NFKBIE: variants seen among roughly 807,000 people sequenced by gnomAD.
NFKBIE encodes the protein NF-kappa-B inhibitor epsilon.
In NFKBIE, 11 loss-of-function variants were observed where a neutral mutation model predicts 31.6. That is an observed-to-expected ratio of 0.35 (90% confidence interval 0.22 to 0.58). The LOEUF is 0.58. Ranked by LOEUF, NFKBIE falls within the 20% of genes least tolerant of loss-of-function variation. The pLI is 0.83. For missense variants in NFKBIE, 354 were observed against 465.7 expected, an observed-to-expected ratio of 0.76 and a Z score of 2.21; for synonymous variants, 208 against 210.1, an observed-to-expected ratio of 0.99 and a Z score of 0.09.
At chr6:44,264,699 G>C (rs1040409665) in intron 1 of NFKBIE, among the ~76,000 whole-genome samples, 1 of 152,164 alleles carries the variant, frequency 6.6e-6, no homozygotes, top group African/African-American at 2.4e-5. Context: ...AACTGGACTT[G>C]GTCAGGGGAA....
Position 44,265,186 on chromosome 6 carries a change from G to A in NFKBIE, c.161C>T (p.Pro54Leu), listed in dbSNP as rs1012544142. The change falls in exon 1 of 6, where the codon CCC (proline) becomes CTC (leucine). Residue 54 changes from proline to leucine, a missense_variant. Physicochemically the swap from Pro to Leu is moderately conservative, Grantham distance 98. Transcript: ENST00000619360. ...SPQPCTHPPG[P>L]VKEPQEKEDA... ...TTCCTTCTCCTGTGGTTCCTTGACGGGTCCCGGAGGATGGGTGCAGGGCTG... is the reference window on the plus strand; with the variant it reads ...TTCCTTCTCCTGTGGTTCCTTGACGAGTCCCGGAGGATGGGTGCAGGGCTG... 1 of 1,551,790 alleles carries A rather than the reference G, an allele frequency of 6.4e-7. No homozygotes were observed. The highest frequency in any genetic ancestry group is 1.2e-5 in the South Asian group (1 of 84,064).
chr6:44,260,211 C>G lies in NFKBIE; in HGVS notation c.852G>C (p.Leu284=), dbSNP rs1561913315. ...CATCTACCTGGGCACCAGCCTGGAG[C>G]AGGAACTGTACCAGGCCCCGCTCTT... is the stretch of plus-strand genomic sequence containing the variant. The part of the protein sequence containing the change: ...ETQERGLVQF[L]LQAGAQVDAR... The change falls in exon 5 of 6, where the codon CTG becomes CTC. Residue 284 remains leucine (L), a synonymous_variant. Transcript: ENST00000619360. This position sits in a 1 kb window ranked among gnomAD's most constrained non-coding sequence, Gnocchi z 5.5. 5.0e-6 allele frequency: 8 copies of G among 1,614,074 alleles called. No homozygotes were observed. The highest frequency in any genetic ancestry group is 5.9e-6 in the Non-Finnish European group (7 of 1,180,016).
At position 44,259,145 on chromosome 6, in the gene NFKBIE, C is replaced by T; in HGVS notation, c.*74G>A. The T allele has an allele frequency of 6.6e-7, 1 of 1,526,354 alleles. No individual in the cohort carries two copies. The highest frequency in any genetic ancestry group is 9.1e-7 in the Non-Finnish European group (1 of 1,103,644). 94.6% of individuals were successfully genotyped at this position (1,526,354 alleles called of 1,614,324 possible). ...ACCAGAAGAGCACATAGCCTGGGCCCAAACTGCAGCAGTTATGGCTCCGGC... is the reference window on the plus strand; with the variant it reads ...ACCAGAAGAGCACATAGCCTGGGCCTAAACTGCAGCAGTTATGGCTCCGGC... On this transcript the variant is annotated 3_prime_UTR_variant, in exon 6 of 6. Transcript: ENST00000619360.
In NFKBIE at chr6:44,259,074, A is replaced by T; in HGVS notation, c.*145T>A. 1 of 771,796 alleles carries T rather than the reference A, an allele frequency of 1.3e-6. No homozygotes were observed. Among genetic ancestry groups the T allele is most frequent in the Non-Finnish European group, 2.2e-6 (1 of 453,256 alleles). 47.8% of individuals were successfully genotyped at this position (771,796 alleles called of 1,614,324 possible). ...TGCAGTCCCTCCTCCTCGGCTCAGGACTGTACTGGCTGGCCCCAGGCTCTG... is the reference window on the plus strand; with the variant it reads ...TGCAGTCCCTCCTCCTCGGCTCAGGTCTGTACTGGCTGGCCCCAGGCTCTG... On this transcript the variant is annotated 3_prime_UTR_variant, in exon 6 of 6. Coordinates refer to ENST00000619360, the MANE Select transcript of NFKBIE (RefSeq NM_004556.3).
At position 44,259,220 on chromosome 6, in the gene NFKBIE, C is replaced by T. The variant is rs1781801152; in HGVS notation, c.1085G>A (p.Ter362=). ...GAGGATCCCAGACCCTGCCTGGCTTCAGTCGGTACACAGCAGCAGTTTCCC... is the reference window on the plus strand; with the variant it reads ...GAGGATCCCAGACCCTGCCTGGCTTTAGTCGGTACACAGCAGCAGTTTCCC... The part of the protein sequence containing the change: ...ISGKLLLCTD[*] The change falls in exon 6 of 6, where the codon TGA becomes TAA. Residue 362 remains the stop codon, a stop_retained_variant. Transcript: ENST00000619360. 5 of 1,613,530 alleles carry T rather than the reference C, an allele frequency of 3.1e-6. No individual in the cohort carries two copies. Among genetic ancestry groups the T allele is most frequent in the Non-Finnish European group, 4.2e-6 (5 of 1,179,636 alleles).
chr6:44,259,261 A>G lies in NFKBIE; in HGVS notation c.1044T>C (p.Asp348=). The G allele has an allele frequency of 6.2e-7, 1 of 1,613,708 alleles. No homozygotes were observed. Among genetic ancestry groups the G allele is most frequent in the Non-Finnish European group, 8.5e-7 (1 of 1,179,718 alleles). ...GCAGTTTCCCTGAGATCTTCAGGTC[A>G]TCAAAGGGCAAAAGGACAAGGGACT... is the stretch of plus-strand genomic sequence containing the variant. ...TEESLVLLPF[D]DLKISGKLLL... Residue 348 remains aspartate (D), a synonymous_variant, in exon 6 of 6, where the codon GAT becomes GAC. Transcript: ENST00000619360.
In NFKBIE at chr6:44,261,374, A is replaced by G. The variant is rs565520208; in HGVS notation, c.691+252T>C. Among the ~76,000 whole-genome samples, 1 of 152,362 alleles carries G rather than the reference A, an allele frequency of 6.6e-6. No homozygotes were observed. The highest frequency in any genetic ancestry group is 1.9e-4 in the East Asian group (1 of 5,190). ...TTGAATGAATGAATCAGGTCATCTA[A>G]TCTCTATTAAACTAAGTATCTTAAG... On this transcript the variant is annotated intron_variant, in intron 3 of 5. Coordinates refer to ENST00000619360, the MANE Select transcript of NFKBIE (RefSeq NM_004556.3). This position sits in a 1 kb window ranked among gnomAD's most constrained non-coding sequence, Gnocchi z 4.3.
chr6:44,259,165 T>C lies in NFKBIE; in HGVS notation c.*54A>G. ...GGGCCCAAACTGCAGCAGTTATGGCTCCGGCTTCCAGATGGAGAGGTGGAG... is the reference window on the plus strand; with the variant it reads ...GGGCCCAAACTGCAGCAGTTATGGCCCCGGCTTCCAGATGGAGAGGTGGAG... On this transcript the variant is annotated 3_prime_UTR_variant, in exon 6 of 6. Coordinates refer to ENST00000619360, the MANE Select transcript of NFKBIE (RefSeq NM_004556.3). 1.3e-6 allele frequency: 2 copies of C among 1,596,506 alleles called. No individual in the cohort carries two copies. Among genetic ancestry groups the C allele is most frequent in the Non-Finnish European group, 1.7e-6 (2 of 1,165,326 alleles).
chr6:44,261,965 GCCATAACCT>G lies in NFKBIE; in HGVS notation c.469-126_469-118del. Reference sequence around the variant, plus strand: ...TCTTCTTTGAAAGCAGCTTATAAAGGCCATAACCTGTTCTTCCAAGGAAATACTACCGAG... The same window carrying G: ...TCTTCTTTGAAAGCAGCTTATAAAGGGTTCTTCCAAGGAAATACTACCGAG... On this transcript the variant is annotated intron_variant, in intron 2 of 5. Transcript: ENST00000619360. The surrounding 1 kb of genome is among the most constrained non-coding windows in gnomAD (Gnocchi z 4.3). The G allele has an allele frequency of 4.3e-6, 4 of 924,274 alleles. No homozygotes were observed. Among genetic ancestry groups the G allele is most frequent in the Non-Finnish European group, 6.5e-6 (4 of 612,582 alleles). The allele number at this position is 924,274 out of a possible 1,614,324, so 57.3% of individuals were successfully genotyped here.
At chr6:44,264,284 C>T (rs1782032548) in intron 1 of NFKBIE, among the ~76,000 whole-genome samples, 1 of 152,256 alleles carries the variant, frequency 6.6e-6, no homozygotes, top group Non-Finnish European at 1.5e-5. Flanking sequence ...CTCTGGCCCA[C>T]TCCCACCAAA....
intron 5 of NFKBIE, 128 bp downstream of exon 5, chr6:44,259,915 A>G: frequency 7.4e-7 from 1 of 1,358,794 alleles, no homozygotes; most frequent in African/African-American, 1.5e-5. Context: ...AAGTTCCCAC[A>G]GTTGGTCAGT....
rs753094918 is a variant in NFKBIE at position 44,260,122 on chromosome 6, G to A, written c.941C>T (p.Ser314Leu). 1.2e-6 allele frequency: 2 copies of A among 1,614,220 alleles called. No homozygotes were observed. The highest frequency in any genetic ancestry group is 2.2e-5 in the East Asian group (1 of 44,874). ...LAAGRGLMGI[S>L]STLCKAGADS... ...AGCACCCGCCTTGCACAGAGTGGATGAGATGCCCATGAGACCCCGGCCAGC... is the reference window on the plus strand; with the variant it reads ...AGCACCCGCCTTGCACAGAGTGGATAAGATGCCCATGAGACCCCGGCCAGC... The change falls in exon 5 of 6, where the codon TCA becomes TTA. Residue 314 changes from serine to leucine, a missense_variant. Coordinates refer to ENST00000619360, the MANE Select transcript of NFKBIE (RefSeq NM_004556.3). The surrounding 1 kb of genome is among the most constrained non-coding windows in gnomAD (Gnocchi z 5.5).
At chr6:44,262,747 A>C in intron 1 of NFKBIE, 85 bp from the exon 2 acceptor site, 2 of 1,009,996 alleles carry the variant, frequency 2.0e-6, no homozygotes, top group South Asian at 1.3e-5. Context: ...GGAACACATC[A>C]AACTTTAACT....
At chr6:44,262,974 G>A (rs577438612) in intron 1 of NFKBIE, among the ~76,000 whole-genome samples, 7 of 152,326 alleles carry the variant, frequency 4.6e-5, no homozygotes, top group South Asian at 2.1e-4. Context: ...GGGCTCTGCC[G>A]AGCCAGCTGC....
In NFKBIE at chr6:44,260,428, C is replaced by CA; in HGVS notation, c.780+22dup. 3.7e-6 allele frequency: 6 copies of CA among 1,614,110 alleles called. No homozygotes were observed. The highest frequency in any genetic ancestry group is 4.2e-6 in the Non-Finnish European group (5 of 1,179,962). On this transcript the variant is annotated intron_variant, in intron 4 of 5. Coordinates refer to ENST00000619360, the MANE Select transcript of NFKBIE (RefSeq NM_004556.3). The surrounding 1 kb of genome is among the most constrained non-coding windows in gnomAD (Gnocchi z 5.5). ...AGGTGGGGGCAGGCCCTGGGCCGGG[C>CA]AGTGCTTTGCTGGCTGTCTCACCTG...
rs1423041543 is a variant in NFKBIE at position 44,258,218 on chromosome 6, C to G, written c.*1001G>C. 6.6e-6 allele frequency: 1 copy of G among 152,286 alleles called. No individual in the cohort carries two copies. Among genetic ancestry groups the G allele is most frequent in the Non-Finnish European group, 1.5e-5 (1 of 68,080 alleles). 9.4% of individuals were successfully genotyped at this position (152,286 alleles called of 1,614,324 possible). On this transcript the variant is annotated 3_prime_UTR_variant, in exon 6 of 6. Coordinates refer to ENST00000619360, the MANE Select transcript of NFKBIE (RefSeq NM_004556.3). ...GTTTATGCTTTTAACGGCTGTCTCT[C>G]TCACTGGATGAGACGCTCCAAGTGG... is the stretch of plus-strand genomic sequence containing the variant.
chr6:44,260,418 C>G lies in NFKBIE; in HGVS notation c.780+33G>C, dbSNP rs1781854208. On this transcript the variant is annotated intron_variant, in intron 4 of 5. Transcript: ENST00000619360. The surrounding 1 kb of genome is among the most constrained non-coding windows in gnomAD (Gnocchi z 5.5). The stretch of plus-strand genomic sequence containing the variant: ...GGGATGTGTCAGGTGGGGGCAGGCC[C>G]TGGGCCGGGCAGTGCTTTGCTGGCT... 1 of 1,613,858 alleles carries G rather than the reference C, an allele frequency of 6.2e-7. No individual in the cohort carries two copies. The highest frequency in any genetic ancestry group is 1.1e-5 in the South Asian group (1 of 91,072).
In NFKBIE at chr6:44,265,165, T is replaced by A. The variant is rs1258115986; in HGVS notation, c.182A>T (p.Lys61Met). Residue 61 changes from lysine to methionine, a missense_variant, in exon 1 of 6, where the codon AAG (lysine) becomes ATG (methionine). Transcript: ENST00000619360. Reference protein sequence around the residue: ...PPGPVKEPQEKEDADGERADS... With the variant: ...PPGPVKEPQEMEDADGERADS... ...AGCCCGCTCCCCATCCGCGTCTTCC[T>A]TCTCCTGTGGTTCCTTGACGGGTCC... is the stretch of plus-strand genomic sequence containing the variant. 6.4e-7 allele frequency: 1 copy of A among 1,551,780 alleles called. No individual in the cohort carries two copies. Among genetic ancestry groups the A allele is most frequent in the Non-Finnish European group, 8.7e-7 (1 of 1,147,048 alleles).
In NFKBIE at chr6:44,260,305, G is replaced by T; in HGVS notation, c.781-23C>A. On this transcript the variant is annotated intron_variant, in intron 4 of 5. Transcript: ENST00000619360. This position sits in a 1 kb window ranked among gnomAD's most constrained non-coding sequence, Gnocchi z 5.5. ...CTCCTGGGGAGGAATAAGGATGTCA[G>T]CCAAGGCCCTCAGAGGCAGTGTGCT... 6.2e-7 allele frequency: 1 copy of T among 1,606,226 alleles called. No individual in the cohort carries two copies. Among genetic ancestry groups the T allele is most frequent in the African/African-American group, 1.3e-5 (1 of 74,910 alleles).
Sources: gnomAD v4.1 joint callset for allele counts (sites outside exome capture counted in the v4.1 genomes callset) on GRCh38, gnomAD v4.1.1 for gene constraint, Gnocchi (gnomAD v3.1) non-coding constraint, MANE v1.5 for transcripts, NCBI Gene and HGNC (gene_info 2026-07-23, HGNC 2026-07-21) for gene names.